The following KIAA0586 variants were observed in gnomAD, a reference collection of about 807,000 sequenced individuals.
KIAA0586 encodes the protein protein TALPID3.
A neutral mutation model predicts 169.8 loss-of-function variants in KIAA0586; 144 were observed. The observed-to-expected ratio is 0.85, with a 90% CI of 0.74 to 0.97. The LOEUF is 0.97. KIAA0586 is among the 50% of genes least tolerant of loss of function. The probability of loss-of-function intolerance (pLI) is 0.00; values close to 1 mark genes in which losing one functional copy is unlikely to be tolerated. For synonymous variants in KIAA0586, 625 were observed against 612.4 expected (o/e 1.02, Z -0.30); for missense variants, 1,854 against 1,823.0 (o/e 1.02, Z -0.31).
intron 4 of KIAA0586, among the ~76,000 whole-genome samples, chr14:58,437,234 G>A (rs1339875809): frequency 6.6e-6 from 1 of 152,134 alleles, no homozygotes; most frequent in African/African-American, 2.4e-5. Flanking sequence ...TCATTAATTA[G>A]ATATGAGGGT....
intron 23 of KIAA0586, among the ~76,000 whole-genome samples, chr14:58,488,316 A>G (rs1205055385): frequency 2.6e-5 from 4 of 152,200 alleles, no homozygotes; most frequent in African/African-American, 7.2e-5. Flanking sequence ...TGAAATAGCT[A>G]GAAATAAAGG....
At chr14:58,436,461 C>T (rs35497114) in intron 4 of KIAA0586, among the ~76,000 whole-genome samples, 6 of 152,074 alleles carry the variant, frequency 3.9e-5, no homozygotes, top group Admixed American at 6.6e-5. Flanking sequence ...AATTAAGAGA[C>T]TCAACATGTT....
chr14:58,522,004 G>T, intron 29 of KIAA0586: 2 of 1,289,626 alleles, frequency 1.6e-6, no homozygotes, highest in Non-Finnish European at 1.1e-6. Flanking sequence ...ACATAGTGGG[G>T]TTTAGAAATC....
In KIAA0586 at chr14:58,549,638, T is replaced by G. The variant is rs1347435505; in HGVS notation, c.*1706T>G. On this transcript the variant is annotated 3_prime_UTR_variant, in exon 31 of 31. Transcript: ENST00000652326. ...ACAGTTCTGCTTATAACAGTTTCCT[T>G]TAAACAAGTGGAAGAAAAATTCTGC... is the stretch of plus-strand genomic sequence containing the variant. The G allele has an allele frequency of 2.6e-5, 4 of 152,354 alleles. No individual in the cohort carries two copies. Among genetic ancestry groups the G allele is most frequent in the Admixed American group, 2.6e-4 (4 of 15,304 alleles). The allele number at this position is 152,354 out of a possible 1,614,324, so 9.4% of individuals were successfully genotyped here. A position where few individuals can be genotyped will look rare whatever the true frequency, so the allele number is the denominator to read the frequency against.
chr14:58,526,005 T>C (rs1479432989), intron 29 of KIAA0586, among the ~76,000 whole-genome samples: 4 of 152,192 alleles, frequency 2.6e-5, no homozygotes, highest in Non-Finnish European at 4.4e-5. Flanking sequence ...AGACTGCCTC[T>C]GTAGATTCCT....
intron 14 of KIAA0586, among the ~76,000 whole-genome samples, chr14:58,465,112 T>C (rs2140931918): frequency 6.6e-6 from 1 of 152,302 alleles, no homozygotes; most frequent in East Asian, 1.9e-4. Context: ...GAATTGTTTA[T>C]TTCTCAAACT....
At chr14:58,532,440 GT>G (rs1441440036) in intron 29 of KIAA0586, among the ~76,000 whole-genome samples, 1 of 152,206 alleles carries the variant, frequency 6.6e-6, no homozygotes, top group Non-Finnish European at 1.5e-5. Flanking sequence ...AATCCTGCAT[GT>G]GCAGACTGGG....
At chr14:58,526,327 G>A (rs1431354474) in intron 29 of KIAA0586, among the ~76,000 whole-genome samples, 1 of 152,156 alleles carries the variant, frequency 6.6e-6, no homozygotes, top group Non-Finnish European at 1.5e-5. Flanking sequence ...GGTATCTGGT[G>A]GGTGCCCCTC....
Position 58,497,443 on chromosome 14 carries a change from T to G in KIAA0586, c.3991-1340T>G, listed in dbSNP as rs2043233101. Among the ~76,000 whole-genome samples, 2 of 151,544 alleles carry G rather than the reference T, an allele frequency of 1.3e-5. 1 individual carries two copies. The highest frequency in any genetic ancestry group is 2.9e-5 in the Non-Finnish European group (2 of 67,918). On this transcript the variant is annotated intron_variant, in intron 26 of 30. Transcript: ENST00000652326. Reference sequence around the variant, plus strand: ...GGCTCAGTCTCGGCTCACTGCAGCCTCTGCCTCCTGGTTTCAAGTGATTTT... The same window carrying G: ...GGCTCAGTCTCGGCTCACTGCAGCCGCTGCCTCCTGGTTTCAAGTGATTTT...
At chr14:58,531,551 A>G (rs1172676468) in intron 29 of KIAA0586, among the ~76,000 whole-genome samples, 1 of 152,182 alleles carries the variant, frequency 6.6e-6, no homozygotes, top group African/African-American at 2.4e-5. Flanking sequence ...GATGCTGAAG[A>G]GGATGTAGAG....
intron 27 of KIAA0586, among the ~76,000 whole-genome samples, chr14:58,506,166 T>C (rs145449964): frequency 3.0e-4 from 45 of 152,206 alleles, no homozygotes; most frequent in African/African-American, 1.0e-3. Context: ...TCTTAATTCA[T>C]TTGCCACTCT....
At chr14:58,475,684 A>G (rs1785325036) in intron 19 of KIAA0586, among the ~76,000 whole-genome samples, 1 of 152,212 alleles carries the variant, frequency 6.6e-6, no homozygotes, top group African/African-American at 2.4e-5. Context: ...CTGAATATTA[A>G]TATAGTCATG....
intron 4 of KIAA0586, among the ~76,000 whole-genome samples, chr14:58,433,936 A>T (rs998041373): frequency 6.6e-6 from 1 of 151,970 alleles, no homozygotes; most frequent in African/African-American, 2.4e-5. Flanking sequence ...GAGTTTGAGG[A>T]TGCCATGAGC....
chr14:58,513,428 T>C (rs963138006), intron 29 of KIAA0586, among the ~76,000 whole-genome samples: 1 of 152,026 alleles, frequency 6.6e-6, no homozygotes, highest in African/African-American at 2.4e-5. Context: ...TAATTGCGAA[T>C]GTAACTATGC....
chr14:58,444,596 G>A (rs1050281188), intron 6 of KIAA0586, among the ~76,000 whole-genome samples: 3 of 152,000 alleles, frequency 2.0e-5, no homozygotes, highest in African/African-American at 7.2e-5. Flanking sequence ...GCTAATTTTT[G>A]TATTTTTAGT....
chr14:58,458,255 A>G (rs748040195), intron 11 of KIAA0586, among the ~76,000 whole-genome samples: 1 of 152,156 alleles, frequency 6.6e-6, no homozygotes, highest in Non-Finnish European at 1.5e-5. Flanking sequence ...TCCTTCAAAT[A>G]TTTGATGAAA....
intron 4 of KIAA0586, chr14:58,439,802 T>C: frequency 4.1e-6 from 4 of 979,604 alleles, no homozygotes; most frequent in Non-Finnish European, 4.9e-6. Flanking sequence ...AGTTCTGTGA[T>C]GCCCTTAAAA....
intron 29 of KIAA0586, among the ~76,000 whole-genome samples, chr14:58,534,879 T>C (rs2046189320): frequency 6.6e-6 from 1 of 152,202 alleles, no homozygotes. Flanking sequence ...AAGAATAATA[T>C]ACATTCAGAA....
intron 26 of KIAA0586, among the ~76,000 whole-genome samples, chr14:58,493,819 TGA>T (rs1315626921): frequency 3.3e-5 from 5 of 151,026 alleles, no homozygotes; most frequent in African/African-American, 9.8e-5. Flanking sequence ...ACCATTAAGC[TGA>T]GAGAGAGAAA....
Sources: gnomAD v4.1 joint callset for allele counts (sites outside exome capture counted in the v4.1 genomes callset) on GRCh38, gnomAD v4.1.1 for gene constraint, MANE v1.5 for transcripts, NCBI Gene and HGNC (gene_info 2026-07-23, HGNC 2026-07-21) for gene names.